Variants in SERF2 observed in about 807,000 individuals in gnomAD.
SERF2 encodes the protein gastric cancer-related protein VRG107.
Under a neutral mutation model 10.7 loss-of-function variants are expected in SERF2, and 4 were observed. The observed-to-expected ratio is 0.37, with a 90% CI of 0.18 to 0.86. SERF2 has a LOEUF of 0.86. Ranked by LOEUF, SERF2 falls within the 40% of genes least tolerant of loss-of-function variation. The pLI is 0.43. For missense variants in SERF2, 47 were observed against 79.1 expected, an observed-to-expected ratio of 0.59 and a Z score of 1.54; for synonymous variants, 26 against 26.0, an observed-to-expected ratio of 1.00 and a Z score of 0.01.
chr15:43,791,710 C>T (rs2087063508), upstream of SERF2: 1 of 152,840 alleles, frequency 6.5e-6, no homozygotes, highest in African/African-American at 2.4e-5. Flanking sequence ...TTTAAAGTTT[C>T]TGGGGGAAAA....
chr15:43,795,292 A>G lies in SERF2; in HGVS notation c.*1519A>G. ...CTGTTCTACCTCCTCACCAAATATAATGGCAGACCCATGTGTGTCTGGAAT... is the reference window on the plus strand; with the variant it reads ...CTGTTCTACCTCCTCACCAAATATAGTGGCAGACCCATGTGTGTCTGGAAT... On this transcript the variant is annotated 3_prime_UTR_variant, in exon 3 of 3. Coordinates refer to ENST00000249786, the MANE Select transcript of SERF2 (RefSeq NM_001018108.4). 3 of 1,583,764 alleles carry G rather than the reference A, an allele frequency of 1.9e-6. No individual in the cohort carries two copies. The highest frequency in any genetic ancestry group is 1.7e-4 in the Middle Eastern group (1 of 6,004).
chr15:43,777,131 T>C (rs1178408480), exon 1 of SERF2: 6 of 721,250 alleles, frequency 8.3e-6, no homozygotes, highest in Non-Finnish European at 1.5e-5. Flanking sequence ...CGCTTTCTTC[T>C]AGGATCCGCA....
intron 1 of SERF2, among the ~76,000 whole-genome samples, chr15:43,778,612 A>AAAAAAAC (rs2086941532): frequency 7.3e-6 from 1 of 136,532 alleles, no homozygotes; most frequent in Non-Finnish European, 1.6e-5. Context: ...AAAAAAAAAA[A>AAAAAAAC]AAAGAGGCTG....
upstream of SERF2, among the ~76,000 whole-genome samples, chr15:43,789,632 A>T (rs2087036284): frequency 6.6e-6 from 1 of 152,184 alleles, no homozygotes. Context: ...TCAGTGCTTA[A>T]GCTGTGTGCA....
At chr15:43,792,471 C>T in intron 1 of SERF2, 88 bp downstream of exon 1, 2 of 1,609,040 alleles carry the variant, frequency 1.2e-6, no homozygotes, top group Non-Finnish European at 1.7e-6. Flanking sequence ...CCTTCCGTAG[C>T]TTCCCTAGCA....
At chr15:43,783,285 C>A (rs1405824497) in intron 1 of SERF2, among the ~76,000 whole-genome samples, 1 of 151,872 alleles carries the variant, frequency 6.6e-6, no homozygotes, top group Non-Finnish European at 1.5e-5. Context: ...GGATTACAGG[C>A]GTGAGCCACC....
chr15:43,788,047 G>A (rs1300188133), upstream of SERF2, among the ~76,000 whole-genome samples: 3 of 151,712 alleles, frequency 2.0e-5, no homozygotes, highest in African/African-American at 2.4e-5. Context: ...GCTAATTTTT[G>A]TATTTTTAGT....
chr15:43,795,659 C>CTA lies in SERF2; in HGVS notation c.*1887_*1888insAT. On this transcript the variant is annotated 3_prime_UTR_variant, in exon 3 of 3. Coordinates refer to ENST00000249786, the MANE Select transcript of SERF2 (RefSeq NM_001018108.4). Reference sequence around the variant, plus strand: ...TATGGCACTCCACAGAGATCTACCACTTCTTATGGTTCCTCACTTGGCACT... The same window carrying CTA: ...TATGGCACTCCACAGAGATCTACCACTATTCTTATGGTTCCTCACTTGGCACT... 6.2e-7 allele frequency: 1 copy of CTA among 1,613,232 alleles called. No homozygotes were observed. The highest frequency in any genetic ancestry group is 8.5e-7 in the Non-Finnish European group (1 of 1,179,298).
chr15:43,784,751 C>T (rs867249517), intron 1 of SERF2, among the ~76,000 whole-genome samples: 2 of 149,702 alleles, frequency 1.3e-5, no homozygotes, highest in East Asian at 2.0e-4. Flanking sequence ...CCACCGCGCC[C>T]GGCCCTAATT....
rs560457521 is a variant in SERF2 at position 43,794,650 on chromosome 15, C to T, written c.*877C>T. The T allele has an allele frequency of 3.1e-5, 7 of 227,928 alleles. No homozygotes were observed. Among genetic ancestry groups the T allele is most frequent in the African/African-American group, 4.5e-5 (2 of 44,550 alleles). The allele number at this position is 227,928 out of a possible 1,614,324, so 14.1% of individuals were successfully genotyped here. A position where few individuals can be genotyped will look rare whatever the true frequency, so the allele number is the denominator to read the frequency against. On this transcript the variant is annotated 3_prime_UTR_variant, in exon 3 of 3. Coordinates refer to ENST00000249786, the MANE Select transcript of SERF2 (RefSeq NM_001018108.4). ...ATTTTCCTTTCTCCAAGGGCAGAGC[C>T]GAGTCTTCAGTCCCTGTTGGTCTTT...
At chr15:43,787,407 T>A (rs1006015618), upstream of SERF2, among the ~76,000 whole-genome samples, 2 of 152,218 alleles carry the variant, frequency 1.3e-5, no homozygotes, top group Non-Finnish European at 2.9e-5. Context: ...AGAATTTTTT[T>A]ATTTTTTGAG....
At position 43,794,940 on chromosome 15, in the gene SERF2, C is replaced by T. The variant is rs948780561; in HGVS notation, c.*1167C>T. ...TGAGGTATTGAGCTGGGCTGGACAG[C>T]TCCCCTTGAGCCAACTCTAGGAGTA... is the stretch of plus-strand genomic sequence containing the variant. On this transcript the variant is annotated 3_prime_UTR_variant, in exon 3 of 3. Transcript: ENST00000249786. 6.6e-6 allele frequency: 9 copies of T among 1,373,786 alleles called. No homozygotes were observed. The African/African-American group carries it at 1.0e-4, about 15-fold the overall frequency. 85.1% of individuals were successfully genotyped at this position (1,373,786 alleles called of 1,614,324 possible).
intron 1 of SERF2, among the ~76,000 whole-genome samples, chr15:43,785,152 T>A (rs1232138095): frequency 6.7e-6 from 1 of 149,936 alleles, no homozygotes; most frequent in Non-Finnish European, 1.5e-5. Flanking sequence ...CACTGAAACC[T>A]CCATCTCCTA....
intron 2 of SERF2, 99 bp downstream of exon 2, chr15:43,793,182 A>G (rs1425202894): frequency 1.4e-6 from 1 of 723,596 alleles, no homozygotes; most frequent in Non-Finnish European, 2.4e-6. Context: ...AATGTGGACT[A>G]GTCGTGAGGA....
At chr15:43,789,235 T>C (rs148360364), upstream of SERF2, among the ~76,000 whole-genome samples, 2 of 152,216 alleles carry the variant, frequency 1.3e-5, no homozygotes, top group East Asian at 3.9e-4. Context: ...CAGTAGTAAC[T>C]TGGATCTTGT....
chr15:43,785,602 A>AAACT (rs2087000149), intron 2 of SERF2: 2 of 151,064 alleles, frequency 1.3e-5, no homozygotes, highest in Admixed American at 1.3e-4. Context: ...GTTGTTCAAT[A>AAACT]CCCTCTCTCA....
chr15:43,780,916 T>C lies in SERF2; in HGVS notation c.-527+3414T>C, dbSNP rs889724763. Among the ~76,000 whole-genome samples, 4 of 152,182 alleles carry C rather than the reference T, an allele frequency of 2.6e-5. No individual in the cohort carries two copies. In the East Asian group the frequency reaches 5.8e-4, roughly 22 times the overall value. ...TTCACGAATAGGGGAGATTTGTTCT[T>C]ACCTTAAATCTTAGCTAACTCAGCA... On this transcript the variant is annotated intron_variant, in intron 1 of 4. Transcript: ENST00000381359.
In SERF2 at chr15:43,783,906, C is replaced by T. The variant is rs528835709; in HGVS notation, c.-526-1504C>T. Among the ~76,000 whole-genome samples, 11 of 138,094 alleles carry T rather than the reference C, an allele frequency of 8.0e-5. No homozygotes were observed. In the South Asian group the frequency reaches 2.2e-3, roughly 27 times the overall value. 90.6% of individuals were successfully genotyped at this position (138,094 alleles called of 152,430 possible). On this transcript the variant is annotated intron_variant, in intron 1 of 4. Transcript: ENST00000381359. ...TTTCTGGAGTAGCTGGGACTACAAG[C>T]GGGTGCCACCACGCCCAGCTATTTT...
At chr15:43,781,328 G>A (rs554298849) in intron 1 of SERF2, among the ~76,000 whole-genome samples, 1 of 152,120 alleles carries the variant, frequency 6.6e-6, no homozygotes, top group Non-Finnish European at 1.5e-5. Flanking sequence ...GCCGAGGCAG[G>A]TGGACCATTT....
Sources: gnomAD v4.1 joint callset for allele counts (sites outside exome capture counted in the v4.1 genomes callset) on GRCh38, gnomAD v4.1.1 for gene constraint, MANE v1.5 for transcripts, NCBI Gene and HGNC (gene_info 2026-07-23, HGNC 2026-07-21) for gene names.